The following EFCAB3 variants were observed in gnomAD, a reference collection of about 807,000 sequenced individuals.
EFCAB3 encodes the protein EF-hand calcium-binding domain-containing protein 3.
EFCAB3 carries 36 observed loss-of-function variants against 42.2 expected under a neutral mutation model. The ratio of observed to expected loss-of-function variants is 0.85; its 90% confidence interval spans 0.65 to 1.13. EFCAB3 has a LOEUF of 1.13. Ranked by LOEUF, EFCAB3 falls within the 50% of genes most tolerant of loss-of-function variation. The pLI is 0.00. For synonymous variants in EFCAB3, 170 were observed against 172.8 expected (o/e 0.98, Z 0.13); for missense variants, 418 against 505.1 (o/e 0.83, Z 1.65).
chr17:62,387,404 T>C lies in EFCAB3; in HGVS notation c.139T>C (p.Ser47Pro). The C allele has an allele frequency of 6.2e-7, 1 of 1,611,392 alleles. No individual in the cohort carries two copies. The highest frequency in any genetic ancestry group is 8.5e-7 in the Non-Finnish European group (1 of 1,178,540). The part of the protein sequence containing the change: ...LQHKEKKLSA[S>P]QMAAFQDAYN... ...ACACAAAGAAAAGAAGCTAAGTGCT[T>C]CACAAATGGCAGGTAATGAGAATCA... Residue 47 changes from serine (S) to proline (P), a missense_variant, in exon 3 of 10, where the codon TCA becomes CCA. By Grantham distance (74) the Ser-to-Pro change is moderately conservative. Transcript: ENST00000305286.
Position 62,391,773 on chromosome 17 carries a change from T to C in EFCAB3, c.152-49T>C, listed in dbSNP as rs778878386. On this transcript the variant is annotated intron_variant, in intron 3 of 9. Transcript: ENST00000305286. ...TCTGTCCTAGTCCTATTAGTGTATG[T>C]ACTTCTTCTTGAACAACTGTCCTGA... 8.2e-6 allele frequency: 13 copies of C among 1,594,202 alleles called. No homozygotes were observed. The Admixed American group carries it at 1.7e-4, about 21-fold the overall frequency.
chr17:62,408,369 C>T (rs1300575948), intron 8 of EFCAB3, among the ~76,000 whole-genome samples: 1 of 152,200 alleles, frequency 6.6e-6, no homozygotes, highest in African/African-American at 2.4e-5. Context: ...CTTGCTTCTA[C>T]TATTGTCCCC....
Position 62,381,353 on chromosome 17 carries a change from A to G in EFCAB3, c.-18+740A>G, listed in dbSNP as rs560494953. On this transcript the variant is annotated intron_variant, in intron 1 of 9. Coordinates refer to ENST00000305286, the MANE Select transcript of EFCAB3 (RefSeq NM_173503.4). Reference sequence around the variant, plus strand: ...TCATCATTTTTTATGGCTGCATAGTATTCCATGGTGTATATGTGCCACATT... The same window carrying G: ...TCATCATTTTTTATGGCTGCATAGTGTTCCATGGTGTATATGTGCCACATT... 1.3e-3 allele frequency among the ~76,000 whole-genome samples: 203 copies of G among 152,066 alleles called. 1 individual carries two copies. Among genetic ancestry groups the G allele is most frequent in the Non-Finnish European group, 2.3e-3 (156 of 67,976 alleles).
intron 5 of EFCAB3, among the ~76,000 whole-genome samples, chr17:62,394,212 C>G (rs974930682): frequency 1.3e-5 from 2 of 152,186 alleles, no homozygotes; most frequent in African/African-American, 4.8e-5. Context: ...CTTGGCCTCC[C>G]AAAGTGCTGG....
At chr17:62,394,913 A>T (rs1340520816) in intron 5 of EFCAB3, among the ~76,000 whole-genome samples, 155 bp from the exon 6 acceptor site, 1 of 152,182 alleles carries the variant, frequency 6.6e-6, no homozygotes, top group East Asian at 1.9e-4. Context: ...TCAGTACCCA[A>T]AATGGCCTTT....
At chr17:62,409,680 T>C (rs1379926604) in intron 8 of EFCAB3, among the ~76,000 whole-genome samples, 1 of 151,472 alleles carries the variant, frequency 6.6e-6, no homozygotes, top group East Asian at 1.9e-4. Context: ...CACGTTACCA[T>C]CTATTACATA....
chr17:62,375,412 A>G (rs954752722), intron 2 of EFCAB3, among the ~76,000 whole-genome samples: 4 of 152,174 alleles, frequency 2.6e-5, no homozygotes, highest in African/African-American at 7.2e-5. Flanking sequence ...ACTGGAAACC[A>G]TCTCCCATGG....
At chr17:62,398,501 A>G (rs1325742066) in intron 6 of EFCAB3, among the ~76,000 whole-genome samples, 1 of 23,272 alleles carries the variant, frequency 4.3e-5, no homozygotes, top group African/African-American at 5.4e-5. Flanking sequence ...TTATATGCAA[A>G]AAAAAAAAAA....
intron 1 of EFCAB3, among the ~76,000 whole-genome samples, chr17:62,373,150 C>T (rs2070126037): frequency 6.6e-6 from 1 of 151,878 alleles, no homozygotes; most frequent in African/African-American, 2.4e-5. Flanking sequence ...CATGATGGCA[C>T]ATGCCTGTGA....
intron 9 of EFCAB3, among the ~76,000 whole-genome samples, chr17:62,414,583 TTGTG>T (rs4058759): frequency 0.017 from 2,486 of 148,200 alleles, 45 homozygotes; most frequent in African/African-American, 0.048. Flanking sequence ...TTTGTTTGTT[TTGTG>T]TGTGTGTGTG....
chr17:62,415,790 T>C (rs1196084179), intron 9 of EFCAB3, among the ~76,000 whole-genome samples: 3 of 152,216 alleles, frequency 2.0e-5, no homozygotes, highest in Non-Finnish European at 4.4e-5. Context: ...CATATCCTTA[T>C]AAAATTTCTT....
chr17:62,392,736 C>T (rs1598012078), intron 4 of EFCAB3, among the ~76,000 whole-genome samples: 1 of 151,988 alleles, frequency 6.6e-6, no homozygotes, highest in Non-Finnish European at 1.5e-5. Context: ...CTCCTGGGTT[C>T]ACACCATTCT....
chr17:62,399,188 C>CT (rs67731944), intron 6 of EFCAB3, among the ~76,000 whole-genome samples: 28 of 147,052 alleles, frequency 1.9e-4, no homozygotes, highest in African/African-American at 5.0e-4. Flanking sequence ...AAGCCAAAGT[C>CT]TTTTTTTTTT....
At chr17:62,380,542 G>A (rs2070187503), upstream of EFCAB3, 1 of 985,232 alleles carries the variant, frequency 1.0e-6, no homozygotes, top group Non-Finnish European at 1.2e-6. Flanking sequence ...GTTGTGTGAT[G>A]GAACAAACCC....
intron 3 of EFCAB3, among the ~76,000 whole-genome samples, chr17:62,388,053 T>C (rs983201716): frequency 6.6e-6 from 1 of 151,964 alleles, no homozygotes; most frequent in African/African-American, 2.4e-5. Context: ...CTACTAAAAA[T>C]ACAAAAATTA....
intron 6 of EFCAB3, among the ~76,000 whole-genome samples, chr17:62,398,344 C>T (rs2070370584): frequency 1.3e-5 from 2 of 151,984 alleles, no homozygotes; most frequent in Admixed American, 6.6e-5. Context: ...ATCCCAGCTA[C>T]TCAAGAGGCC....
exon 1 of EFCAB3, chr17:62,370,271 G>A (rs1411856639): frequency 2.6e-6 from 4 of 1,551,522 alleles, no homozygotes; most frequent in Non-Finnish European, 2.6e-6. Context: ...CGAAGGGATT[G>A]AGCTCACAGA....
intron 1 of EFCAB3, among the ~76,000 whole-genome samples, chr17:62,371,419 T>G (rs1415617650): frequency 6.6e-6 from 1 of 151,182 alleles, no homozygotes; most frequent in Non-Finnish European, 1.5e-5. Context: ...TTAGCCGGGC[T>G]TGGTGGCACA....
chr17:62,412,074 G>A (rs1017465689), intron 8 of EFCAB3, among the ~76,000 whole-genome samples: 1 of 151,734 alleles, frequency 6.6e-6, no homozygotes, highest in Non-Finnish European at 1.5e-5. Flanking sequence ...AAGAGGGAGA[G>A]TAAATAAAAA....
Sources: gnomAD v4.1 joint callset for allele counts (sites outside exome capture counted in the v4.1 genomes callset) on GRCh38, gnomAD v4.1.1 for gene constraint, MANE v1.5 for transcripts, NCBI Gene and HGNC (gene_info 2026-07-23, HGNC 2026-07-21) for gene names.